The following PSMA1 variants were observed in gnomAD, a reference collection of about 807,000 sequenced individuals.
PSMA1 encodes the protein proteasome 20S subunit alpha 1, also known as proteasome subunit alpha type-1.
In PSMA1, 3 loss-of-function variants were observed where a neutral mutation model predicts 38.4. That is an observed-to-expected ratio of 0.08 (90% confidence interval 0.04 to 0.20). The LOEUF (loss-of-function observed/expected upper bound fraction) is 0.20. Among genes scored for constraint, PSMA1 ranks in the 10% least tolerant of loss-of-function variants. The probability of loss-of-function intolerance (pLI) is 1.00; values close to 1 mark genes in which losing one functional copy is unlikely to be tolerated. For missense variants in PSMA1, 227 were observed against 325.3 expected (o/e 0.70, Z 2.32); for synonymous variants, 101 against 107.1 (o/e 0.94, Z 0.35).
upstream of PSMA1, chr11:14,520,642 T>A (rs1184605681): frequency 2.0e-6 from 1 of 495,686 alleles, no homozygotes; most frequent in Admixed American, 3.7e-5. Flanking sequence ...TTTCTCCCGC[T>A]GGCGGGCTGC....
chr11:14,613,707 C>G (rs1181569177), intron 1 of PSMA1, among the ~76,000 whole-genome samples: 2 of 152,128 alleles, frequency 1.3e-5, no homozygotes, highest in African/African-American at 2.4e-5. Flanking sequence ...TACCTGTGCT[C>G]ATTTTATACA....
chr11:14,571,342 C>A (rs558818761), intron 2 of PSMA1, among the ~76,000 whole-genome samples: 1 of 152,308 alleles, frequency 6.6e-6, no homozygotes, highest in East Asian at 1.9e-4. Flanking sequence ...GGATTACAGG[C>A]ATGAGCCATC....
chr11:14,584,235 T>C (rs1328465960), intron 2 of PSMA1, among the ~76,000 whole-genome samples: 1 of 152,186 alleles, frequency 6.6e-6, no homozygotes, highest in Non-Finnish European at 1.5e-5. Context: ...ATCACTGCCA[T>C]AGCTACCTAG....
exon 2 of PSMA1, chr11:14,611,097 T>TACTG: frequency 9.3e-7 from 1 of 1,073,080 alleles, no homozygotes; most frequent in Non-Finnish European, 1.4e-6. Flanking sequence ...ACCACTCTGC[T>TACTG]ACTGGCCTTG....
chr11:14,616,750 T>A (rs933247821), intron 1 of PSMA1, among the ~76,000 whole-genome samples: 3 of 152,138 alleles, frequency 2.0e-5, no homozygotes, highest in Non-Finnish European at 2.9e-5. Flanking sequence ...TAGCCCTATT[T>A]TGTAGGTGGA....
chr11:14,541,308 A>T (rs533951244), intron 2 of PSMA1, among the ~76,000 whole-genome samples: 4 of 152,310 alleles, frequency 2.6e-5, no homozygotes, highest in South Asian at 4.1e-4. Context: ...CTTCTGACGC[A>T]GCAAACACCA....
chr11:14,609,049 G>A (rs1365264130), intron 2 of PSMA1, among the ~76,000 whole-genome samples: 1 of 152,172 alleles, frequency 6.6e-6, no homozygotes, highest in East Asian at 1.9e-4. Context: ...AATGGATGCA[G>A]TTCCTTCAAG....
intron 2 of PSMA1, among the ~76,000 whole-genome samples, chr11:14,545,429 TG>T (rs1851815202): frequency 6.6e-6 from 1 of 152,236 alleles, no homozygotes; most frequent in African/African-American, 2.4e-5. Flanking sequence ...TACTAAGCCT[TG>T]CTTGCATTAG....
At position 14,537,960 on chromosome 11, in the gene PSMA1, C is replaced by T. The variant is rs111858440; in HGVS notation, c.22-18919G>A. Among the ~76,000 whole-genome samples the T allele has an allele frequency of 3.4e-3, 519 of 152,164 alleles. 6 individuals are homozygous for T. The highest frequency in any genetic ancestry group is 0.012 in the African/African-American group (504 of 41,518). ...CTGGCCTCAAGTGATCCGCCTGCCT[C>T]GGACTCCCAAAGTGCTGGGATTACA... On this transcript the variant is annotated intron_variant, in intron 2 of 10. Coordinates refer to the PSMA1 transcript ENST00000418988.
At chr11:14,522,759 C>T (rs1851543498), upstream of PSMA1, among the ~76,000 whole-genome samples, 1 of 152,090 alleles carries the variant, frequency 6.6e-6, no homozygotes, top group African/African-American at 2.4e-5. Context: ...GGGATGGTAA[C>T]CTCTTATTAC....
chr11:14,595,250 C>T (rs1852472396), intron 2 of PSMA1, among the ~76,000 whole-genome samples: 1 of 152,108 alleles, frequency 6.6e-6, no homozygotes, highest in South Asian at 2.1e-4. Context: ...GCATTATTTA[C>T]AATCCTTGAG....
At chr11:14,536,689 G>T (rs1241335714) in intron 2 of PSMA1, among the ~76,000 whole-genome samples, 2 of 151,824 alleles carry the variant, frequency 1.3e-5, no homozygotes, top group Non-Finnish European at 2.9e-5. Flanking sequence ...TCGGCTTATC[G>T]CAAGCTCCGC....
chr11:14,517,888 C>A lies in PSMA1; in HGVS notation c.142G>T (p.Ala48Ser), dbSNP rs1851460584. ...TTTATTACTGTACTTACTTTCAATG[C>A]AACCAAAACTGCATGAGTTTTTGAT... ...LKSKTHAVLV[A>S]LKRAQSELAA... Residue 48 changes from alanine (A) to serine (S), a missense_variant, in exon 3 of 10, where the codon GCA (alanine) becomes TCA (serine). Ala to Ser is a moderately conservative substitution (Grantham distance 99). Transcript: ENST00000396394. The A allele has an allele frequency of 6.2e-7, 1 of 1,602,098 alleles. No individual in the cohort carries two copies. The highest frequency in any genetic ancestry group is 8.5e-7 in the Non-Finnish European group (1 of 1,175,434).
chr11:14,566,193 C>T (rs899550794), intron 2 of PSMA1, among the ~76,000 whole-genome samples: 1 of 152,094 alleles, frequency 6.6e-6, no homozygotes, highest in African/African-American at 2.4e-5. Flanking sequence ...AAAGGAATGA[C>T]ATGATATGAC....
At chr11:14,606,327 G>C (rs2134196252) in intron 2 of PSMA1, among the ~76,000 whole-genome samples, 1 of 151,926 alleles carries the variant, frequency 6.6e-6, no homozygotes, top group Non-Finnish European at 1.5e-5. Context: ...TTTTCAGGAT[G>C]ATCACCTGGG....
rs1382007267 is a variant in PSMA1, at chr11:14,536,635, G to A, written c.22-17594C>T. 2.7e-5 allele frequency among the ~76,000 whole-genome samples: 4 copies of A among 149,792 alleles called. No individual in the cohort carries two copies. The East Asian group carries it at 7.9e-4, about 29-fold the overall frequency. ...TTTTTTTTATTTTTATTTTTGAGAC[G>A]GAGTCTCGCTCTGTCGCCCAGGCTG... On this transcript the variant is annotated intron_variant, in intron 2 of 10. Coordinates refer to the PSMA1 transcript ENST00000418988.
chr11:14,536,837 A>C (rs1395515306), intron 2 of PSMA1, among the ~76,000 whole-genome samples: 1 of 151,994 alleles, frequency 6.6e-6, no homozygotes, highest in Non-Finnish European at 1.5e-5. Context: ...GGATGGTCTC[A>C]ATCTCCTGAC....
chr11:14,556,020 G>A (rs575216430), intron 2 of PSMA1, among the ~76,000 whole-genome samples: 2 of 152,282 alleles, frequency 1.3e-5, no homozygotes, highest in East Asian at 3.9e-4. Flanking sequence ...TCCGGCTCTG[G>A]TCTGGGTTGT....
intron 2 of PSMA1, among the ~76,000 whole-genome samples, chr11:14,597,423 C>A (rs1158476767): frequency 6.6e-6 from 1 of 152,068 alleles, no homozygotes; most frequent in Non-Finnish European, 1.5e-5. Flanking sequence ...AATTTCAGAG[C>A]CTGTTATTGG....
Sources: allele counts gnomAD v4.1 joint callset (sites outside exome capture counted in the v4.1 genomes callset), GRCh38; gene constraint gnomAD v4.1.1; transcripts MANE v1.5; gene names NCBI Gene and HGNC (gene_info 2026-07-23, HGNC 2026-07-21).